The following CMTM5 variants were observed in gnomAD, a reference collection of about 807,000 sequenced individuals.
CMTM5 encodes the protein CKLF like MARVEL transmembrane domain containing 5, also known as CKLF-like MARVEL transmembrane domain-containing protein 5.
In CMTM5, 25 loss-of-function variants were observed where a neutral mutation model predicts 26.9. The ratio of observed to expected loss-of-function variants is 0.93; its 90% CI spans 0.68 to 1.30. The LOEUF is 1.30. CMTM5 is among the 50% of genes most tolerant of loss of function. CMTM5 has a pLI of 0.00. For missense variants in CMTM5, 292 were observed against 289.6 expected (o/e 1.01, Z -0.06); for synonymous variants, 98 against 115.5 (o/e 0.85, Z 0.97).
At position 23,379,395 on chromosome 14, in the gene CMTM5, T is replaced by C. The variant is rs1171473351; in HGVS notation, c.658+12T>C. ...CGGGGCCAGCCAGGGTGAGTGCCTGTGCTCTGTGGAGAGGAGATGCCCTCC... is the reference window on the plus strand; with the variant it reads ...CGGGGCCAGCCAGGGTGAGTGCCTGCGCTCTGTGGAGAGGAGATGCCCTCC... On this transcript the variant is annotated intron_variant, in intron 5 of 5. Coordinates refer to ENST00000339180, the MANE Select transcript of CMTM5 (RefSeq NM_001288746.2). The C allele has an allele frequency of 1.2e-6, 2 of 1,614,036 alleles. No individual in the cohort carries two copies. The highest frequency in any genetic ancestry group is 1.7e-6 in the Non-Finnish European group (2 of 1,180,030).
Position 23,378,677 on chromosome 14 carries a change from C to T in CMTM5, c.288C>T (p.Gly96=), listed in dbSNP as rs559964220. The change falls in exon 3 of 6, where the codon GGC becomes GGT. Residue 96 remains glycine, a synonymous_variant. Coordinates refer to ENST00000339180, the MANE Select transcript of CMTM5 (RefSeq NM_001288746.2). This position sits in a 1 kb window ranked among gnomAD's most constrained non-coding sequence, Gnocchi z 4.2. ...TCACACTGATTTCACAGCTGCAGGG[C>T]CACGGGCAATCAGGAGGACCACATC... ...DRINWPCLLQ[G]HGQSGGPHPL... 3 of 1,613,214 alleles carry T rather than the reference C, an allele frequency of 1.9e-6. No individual in the cohort carries two copies. Among genetic ancestry groups the T allele is most frequent in the South Asian group, 1.1e-5 (1 of 91,080 alleles).
Position 23,379,744 on chromosome 14 carries a change from C to T in CMTM5, c.*257C>T, listed in dbSNP as rs187802067. On this transcript the variant is annotated 3_prime_UTR_variant, in exon 6 of 6. Coordinates refer to ENST00000339180, the MANE Select transcript of CMTM5 (RefSeq NM_001288746.2). ...AGGGGAGGAATCTGGACCTCTAAGT[C>T]ATTCCCAAATTAAAATATTCAAATT... 2 of 851,382 alleles carry T rather than the reference C, an allele frequency of 2.3e-6. No homozygotes were observed. Among genetic ancestry groups the T allele is most frequent in the Non-Finnish European group, 3.5e-6 (2 of 569,772 alleles). The allele number at this position is 851,382 out of a possible 1,614,324, so 52.7% of individuals were successfully genotyped here. A position where few individuals can be genotyped will look rare whatever the true frequency, so the allele number is the denominator to read the frequency against.
In CMTM5 at chr14:23,378,815, T is replaced by C; in HGVS notation, c.426T>C (p.Pro142=). 2 of 1,612,776 alleles carry C rather than the reference T, an allele frequency of 1.2e-6. No homozygotes were observed. Among genetic ancestry groups the C allele is most frequent in the Non-Finnish European group, 8.5e-7 (1 of 1,179,832 alleles). ...AAVPWVPAPA[P]GFWSWLLWFI... ...TCCCCTGGGTTCCAGCCCCAGCGCC[T>C]GGCTTCTGGTCCTGGTTGCTCTGGT... The change falls in exon 3 of 6, where the codon CCT becomes CCC. Residue 142 remains proline (P), a synonymous_variant. Coordinates refer to ENST00000339180, the MANE Select transcript of CMTM5 (RefSeq NM_001288746.2). The surrounding 1 kb of genome is among the most constrained non-coding windows in gnomAD (Gnocchi z 4.2).
At position 23,378,465 on chromosome 14, in the gene CMTM5, C is replaced by G. The variant is rs1256122283; in HGVS notation, c.243C>G (p.Tyr81Ter). The change falls in exon 2 of 6, where the codon TAC becomes TAG. Residue 81 changes from tyrosine to a stop codon, truncating the protein, a stop_gained. Transcript: ENST00000339180. LOFTEE classifies it high-confidence loss of function. This position sits in a 1 kb window ranked among gnomAD's most constrained non-coding sequence, Gnocchi z 4.2. ...TCCTCTTCCTCTATGCCACCCAGTA[C>G]TACCAGCGCTTCGACCGAATTAACT... The part of the protein sequence containing the change: ...LAFLFLYATQ[Y>*]YQRFDRINWP... 2 of 1,614,166 alleles carry G rather than the reference C, an allele frequency of 1.2e-6. No individual in the cohort carries two copies. The highest frequency in any genetic ancestry group is 1.1e-5 in the South Asian group (1 of 91,086).
rs1890635334 is a variant in CMTM5 at position 23,377,676 on chromosome 14, TA to T, written c.126+301del. ...ATGGGACAGGGGCAATGACAGCCTC[TA>T]ACATGGCCACTTCTCAGCACGTCCA... On this transcript the variant is annotated intron_variant, in intron 1 of 5. Transcript: ENST00000339180. This position sits in a 1 kb window ranked among gnomAD's most constrained non-coding sequence, Gnocchi z 4.6. 3.1e-6 allele frequency: 1 copy of T among 322,134 alleles called. No individual in the cohort carries two copies. 20.0% of individuals were successfully genotyped at this position (322,134 alleles called of 1,614,324 possible).
rs1378620257 is a variant in CMTM5 at position 23,378,871 on chromosome 14, T to C, written c.480+2T>C. 9 of 1,613,020 alleles carry C rather than the reference T, an allele frequency of 5.6e-6. No homozygotes were observed. Among genetic ancestry groups the C allele is most frequent in the African/African-American group, 1.3e-5 (1 of 74,900 alleles). On this transcript the variant is annotated splice_donor_variant, in intron 3 of 5. Transcript: ENST00000339180. LOFTEE classifies it high-confidence loss of function. The surrounding 1 kb of genome is among the most constrained non-coding windows in gnomAD (Gnocchi z 4.2). ...TGCTTCCACTCCCTGGGTAGCAGTG[T>C]GAGCGCTCTGTCTCTTGAATGTGCT... is the stretch of plus-strand genomic sequence containing the variant.
chr14:23,378,217 C>T lies in CMTM5; in HGVS notation c.127-132C>T. On this transcript the variant is annotated intron_variant, in intron 1 of 5. Coordinates refer to ENST00000339180, the MANE Select transcript of CMTM5 (RefSeq NM_001288746.2). The surrounding 1 kb of genome is among the most constrained non-coding windows in gnomAD (Gnocchi z 4.2). The stretch of plus-strand genomic sequence containing the variant: ...TGACACCAGGGGATAGGGAGATGTG[C>T]CAGAGTCCTTCCTCCCCTCCAAGGA... 2.1e-6 allele frequency: 2 copies of T among 947,464 alleles called. No individual in the cohort carries two copies. The highest frequency in any genetic ancestry group is 1.7e-5 in the South Asian group (1 of 60,160). 58.7% of individuals were successfully genotyped at this position (947,464 alleles called of 1,614,324 possible). A position where few individuals can be genotyped will look rare whatever the true frequency, so the allele number is the denominator to read the frequency against.
In CMTM5 at chr14:23,377,433, C is replaced by T. The variant is rs1451522686; in HGVS notation, c.126+56C>T. 6.6e-6 allele frequency: 10 copies of T among 1,505,898 alleles called. No individual in the cohort carries two copies. The East Asian group carries it at 1.7e-4, about 25-fold the overall frequency. 93.3% of individuals were successfully genotyped at this position (1,505,898 alleles called of 1,614,324 possible). On this transcript the variant is annotated intron_variant, in intron 1 of 5. Coordinates refer to ENST00000339180, the MANE Select transcript of CMTM5 (RefSeq NM_001288746.2). This position sits in a 1 kb window ranked among gnomAD's most constrained non-coding sequence, Gnocchi z 4.6. ...ATCTCCCTGACCCCCGGCTCCTGGC[C>T]AGCCTTATGCCAGCCCCCAGCTCAC...
chr14:23,379,339 C>T lies in CMTM5; in HGVS notation c.614C>T (p.Ala205Val). 6.2e-7 allele frequency: 1 copy of T among 1,614,176 alleles called. No homozygotes were observed. The highest frequency in any genetic ancestry group is 8.5e-7 in the Non-Finnish European group (1 of 1,180,020). Residue 205 changes from alanine to valine, a missense_variant, in exon 5 of 6, where the codon GCC (alanine) becomes GTC (valine). Ala to Val is a moderately conservative substitution (Grantham distance 64, BLOSUM62 0). Coordinates refer to ENST00000339180, the MANE Select transcript of CMTM5 (RefSeq NM_001288746.2). ...CTGGTTTCCATCTTTGCCTATGATG[C>T]CTTCAAGATCTACCGGACTGAGATG... is the stretch of plus-strand genomic sequence containing the variant. ...IILVSIFAYDAFKIYRTEMAP... is the reference protein window; with the variant it reads ...IILVSIFAYDVFKIYRTEMAP...
Position 23,378,418 on chromosome 14 carries a change from G to T in CMTM5, c.196G>T (p.Glu66Ter). 6.2e-7 allele frequency: 1 copy of T among 1,614,116 alleles called. No individual in the cohort carries two copies. Among genetic ancestry groups the T allele is most frequent in the Non-Finnish European group, 8.5e-7 (1 of 1,180,014 alleles). The change falls in exon 2 of 6, where the codon GAG becomes TAG. Residue 66 changes from glutamate to a stop codon, truncating the protein, a stop_gained. Transcript: ENST00000339180. LOFTEE classifies it high-confidence loss of function. The surrounding 1 kb of genome is among the most constrained non-coding windows in gnomAD (Gnocchi z 4.2). ...TGCCTACATGGCCGCGGCGCTACTG[G>T]AGTTCTTCATCACACTTGCCTTCCT... ...ISAYMAAALL[E>*]FFITLAFLFL...
In CMTM5 at chr14:23,378,836, C is replaced by A. The variant is rs753463050; in HGVS notation, c.447C>A (p.Leu149=). 6.2e-7 allele frequency: 1 copy of A among 1,612,978 alleles called. No individual in the cohort carries two copies. The highest frequency in any genetic ancestry group is 1.1e-5 in the South Asian group (1 of 91,060). ...CGCCTGGCTTCTGGTCCTGGTTGCT[C>A]TGGTTCATCTGCTTCCACTCCCTGG... The part of the protein sequence containing the change: ...APAPGFWSWL[L]WFICFHSLGS... The change falls in exon 3 of 6, where the codon CTC becomes CTA. Residue 149 remains leucine, a synonymous_variant. Coordinates refer to ENST00000339180, the MANE Select transcript of CMTM5 (RefSeq NM_001288746.2). This position sits in a 1 kb window ranked among gnomAD's most constrained non-coding sequence, Gnocchi z 4.2.
Position 23,377,662 on chromosome 14 carries a change from G to A in CMTM5, c.126+285G>A. The stretch of plus-strand genomic sequence containing the variant: ...CTTGAGACATAGGGATGGGACAGGG[G>A]CAATGACAGCCTCTAACATGGCCAC... On this transcript the variant is annotated intron_variant, in intron 1 of 5. Coordinates refer to ENST00000339180, the MANE Select transcript of CMTM5 (RefSeq NM_001288746.2). The surrounding 1 kb of genome is among the most constrained non-coding windows in gnomAD (Gnocchi z 4.6). 1 of 347,994 alleles carries A rather than the reference G, an allele frequency of 2.9e-6. No individual in the cohort carries two copies. The highest frequency in any genetic ancestry group is 5.2e-6 in the Non-Finnish European group (1 of 192,298). 21.6% of individuals were successfully genotyped at this position (347,994 alleles called of 1,614,324 possible). A position where few individuals can be genotyped will look rare whatever the true frequency, so the allele number is the denominator to read the frequency against.
At position 23,378,338 on chromosome 14, in the gene CMTM5, C is replaced by T; in HGVS notation, c.127-11C>T. 5.6e-6 allele frequency: 9 copies of T among 1,613,592 alleles called. No individual in the cohort carries two copies. The highest frequency in any genetic ancestry group is 7.6e-6 in the Non-Finnish European group (9 of 1,179,784). ...CCCTTCTTGGCATGTTCCACATGCT[C>T]GGTCCTGCAGGCCCTGACCCTCATC... On this transcript the variant is annotated splice_polypyrimidine_tract_variant and intron_variant, in intron 1 of 5. Transcript: ENST00000339180. The surrounding 1 kb of genome is among the most constrained non-coding windows in gnomAD (Gnocchi z 4.2).
At position 23,377,077 on chromosome 14, in the gene CMTM5, G is replaced by T. The variant is rs916742038; in HGVS notation, c.-175G>T. ...GGCAGCTGGGTGAGGGCCCATCTGG[G>T]CAAGGCCCCCAGCGCCTGCCTTCTC... On this transcript the variant is annotated 5_prime_UTR_variant, in exon 1 of 6. Transcript: ENST00000339180. The surrounding 1 kb of genome is among the most constrained non-coding windows in gnomAD (Gnocchi z 4.6). 113 of 826,442 alleles carry T rather than the reference G, an allele frequency of 1.4e-4. No individual in the cohort carries two copies. The highest frequency in any genetic ancestry group is 1.8e-4 in the Non-Finnish European group (99 of 540,038). The allele number at this position is 826,442 out of a possible 1,614,324, so 51.2% of individuals were successfully genotyped here.
In CMTM5 at chr14:23,378,252, G is replaced by A; in HGVS notation, c.127-97G>A. The A allele has an allele frequency of 7.4e-7, 1 of 1,344,526 alleles. No individual in the cohort carries two copies. Among genetic ancestry groups the A allele is most frequent in the Non-Finnish European group, 1.0e-6 (1 of 971,732 alleles). 83.3% of individuals were successfully genotyped at this position (1,344,526 alleles called of 1,614,324 possible). ...TCCTCCCCTCCAAGGACAGGTAGTA[G>A]GTGCCAGCCTAGGGGAGCTTCCAAG... On this transcript the variant is annotated intron_variant, in intron 1 of 5. Coordinates refer to ENST00000339180, the MANE Select transcript of CMTM5 (RefSeq NM_001288746.2). The surrounding 1 kb of genome is among the most constrained non-coding windows in gnomAD (Gnocchi z 4.2).
rs1890726708 is a variant in CMTM5, at chr14:23,378,978, G to A, written c.481-53G>A. Reference sequence around the variant, plus strand: ...GCTGGCTAGCCTGGAAAACTTCAGGGTAACGCCCCCTGCCTTCTGAGGTCC... The same window carrying A: ...GCTGGCTAGCCTGGAAAACTTCAGGATAACGCCCCCTGCCTTCTGAGGTCC... On this transcript the variant is annotated intron_variant, in intron 3 of 5. Transcript: ENST00000339180. This position sits in a 1 kb window ranked among gnomAD's most constrained non-coding sequence, Gnocchi z 4.2. 6.2e-7 allele frequency: 1 copy of A among 1,609,658 alleles called. No homozygotes were observed. The highest frequency in any genetic ancestry group is 8.5e-7 in the Non-Finnish European group (1 of 1,176,724).
rs188528711 is a variant in CMTM5 at position 23,378,680 on chromosome 14, C to A, written c.291C>A (p.His97Gln). The change falls in exon 3 of 6, where the codon CAC becomes CAA. Residue 97 changes from histidine (H) to glutamine (Q), a missense_variant. Coordinates refer to ENST00000339180, the MANE Select transcript of CMTM5 (RefSeq NM_001288746.2). This position sits in a 1 kb window ranked among gnomAD's most constrained non-coding sequence, Gnocchi z 4.2. ...RINWPCLLQG[H>Q]GQSGGPHPLD... ...CACTGATTTCACAGCTGCAGGGCCACGGGCAATCAGGAGGACCACATCCGC... is the reference window on the plus strand; with the variant it reads ...CACTGATTTCACAGCTGCAGGGCCAAGGGCAATCAGGAGGACCACATCCGC... The A allele has an allele frequency of 1.9e-6, 3 of 1,613,038 alleles. No homozygotes were observed. The highest frequency in any genetic ancestry group is 2.2e-5 in the East Asian group (1 of 44,894).
Position 23,379,165 on chromosome 14 carries a change from C to T in CMTM5, c.573+42C>T, listed in dbSNP as rs761397993. On this transcript the variant is annotated intron_variant, in intron 4 of 5. Coordinates refer to ENST00000339180, the MANE Select transcript of CMTM5 (RefSeq NM_001288746.2). ...AGGACTCCTTAGCCCCTCAAGAGCT[C>T]AGGCTGGTGCTTGCACACTTTCTGT... The T allele has an allele frequency of 4.4e-6, 7 of 1,604,636 alleles. No individual in the cohort carries two copies. The South Asian group carries it at 7.8e-5, about 18-fold the overall frequency.
chr14:23,378,910 G>C lies in CMTM5; in HGVS notation c.480+41G>C. 6.2e-7 allele frequency: 1 copy of C among 1,609,766 alleles called. No individual in the cohort carries two copies. Among genetic ancestry groups the C allele is most frequent in the Admixed American group, 1.7e-5 (1 of 59,514 alleles). ...CTTGAATGTGCTTCATATTGTGTGAGGGGTATCCTATGGAGGGGTTCAGAA... is the reference window on the plus strand; with the variant it reads ...CTTGAATGTGCTTCATATTGTGTGACGGGTATCCTATGGAGGGGTTCAGAA... On this transcript the variant is annotated intron_variant, in intron 3 of 5. Transcript: ENST00000339180. The surrounding 1 kb of genome is among the most constrained non-coding windows in gnomAD (Gnocchi z 4.2).
Sources: gnomAD v4.1 joint callset for allele counts on GRCh38, gnomAD v4.1.1 for gene constraint, Gnocchi (gnomAD v3.1) non-coding constraint, MANE v1.5 for transcripts, NCBI Gene and HGNC (gene_info 2026-07-23, HGNC 2026-07-21) for gene names.